UVRAG: variants seen among roughly 807,000 people sequenced by gnomAD.
The protein encoded by UVRAG is UV radiation resistance associated, also known as UV radiation resistance-associated gene protein.
Under a neutral mutation model 78.0 loss-of-function variants are expected in UVRAG, and 19 were observed. The ratio of observed to expected loss-of-function variants is 0.24; its 90% CI spans 0.17 to 0.36. UVRAG has a LOEUF of 0.36. Ranked by LOEUF, UVRAG falls within the 10% of genes least tolerant of loss-of-function variation. The probability of loss-of-function intolerance (pLI) is 1.00; values close to 1 mark genes in which losing one functional copy is unlikely to be tolerated. For synonymous variants in UVRAG, 323 were observed against 324.6 expected (o/e 1.00, Z 0.05); for missense variants, 740 against 853.8 (o/e 0.87, Z 1.66).
At chr11:75,961,312 T>C in intron 6 of UVRAG, 132 bp from the exon 7 acceptor site, 1 of 677,250 alleles carries the variant, frequency 1.5e-6, no homozygotes, top group South Asian at 2.0e-5. Flanking sequence ...ATTGCGAATA[T>C]GCTAGATAAT....
In UVRAG at chr11:75,815,465, G is replaced by A; in HGVS notation, c.58G>A (p.Ala20Thr). The change falls in exon 1 of 15, where the codon GCT (alanine) becomes ACT (threonine). Residue 20 changes from alanine (A) to threonine (T), a missense_variant. Transcript: ENST00000356136. ...PVPQPPPGPA[A>T]ALPPGSAARA... ...CCCCCAGCCACCCCCGGGCCCGGCC[G>A]CTGCTCTGCCTCCCGGTTCTGCCGC... 3 of 1,247,712 alleles carry A rather than the reference G, an allele frequency of 2.4e-6. No homozygotes were observed. Among genetic ancestry groups the A allele is most frequent in the Non-Finnish European group, 3.0e-6 (3 of 995,510 alleles). The allele number at this position is 1,247,712 out of a possible 1,614,324, so 77.3% of individuals were successfully genotyped here.
chr11:76,098,606 A>T (rs1951827641), intron 13 of UVRAG, among the ~76,000 whole-genome samples: 1 of 152,204 alleles, frequency 6.6e-6, no homozygotes, highest in Admixed American at 6.5e-5. Context: ...ATTGTTTAAT[A>T]AGTGTGGCAC....
chr11:76,051,397 A>G (rs1036340172), intron 12 of UVRAG, among the ~76,000 whole-genome samples: 1 of 152,208 alleles, frequency 6.6e-6, no homozygotes, highest in Non-Finnish European at 1.5e-5. Flanking sequence ...TGACTATTAA[A>G]AAAAGACATG....
intron 3 of UVRAG, among the ~76,000 whole-genome samples, chr11:75,879,489 A>G (rs761525271): frequency 3.3e-5 from 5 of 152,154 alleles, no homozygotes; most frequent in African/African-American, 4.8e-5. Context: ...TCTGTTATTG[A>G]ACTTTGCACA....
At chr11:76,134,023 G>A (rs953316836) in intron 14 of UVRAG, among the ~76,000 whole-genome samples, 4 of 147,136 alleles carry the variant, frequency 2.7e-5, no homozygotes, top group Non-Finnish European at 3.0e-5. Flanking sequence ...CTGCAATCTC[G>A]GTTCACGCAA....
chr11:76,126,054 A>C (rs1385771486), intron 14 of UVRAG, among the ~76,000 whole-genome samples: 1 of 149,678 alleles, frequency 6.7e-6, no homozygotes, highest in East Asian at 2.0e-4. Flanking sequence ...GGTTCACGCC[A>C]TTCCCCTGCC....
chr11:75,976,012 A>G (rs2135253593), intron 7 of UVRAG, among the ~76,000 whole-genome samples: 1 of 152,282 alleles, frequency 6.6e-6, no homozygotes, highest in South Asian at 2.1e-4. Context: ...TTTGTCATAA[A>G]TAGCTCTTAT....
chr11:75,815,600 AC>A, intron 1 of UVRAG, 76 bp downstream of exon 1: 1 of 970,250 alleles, frequency 1.0e-6, no homozygotes, highest in Non-Finnish European at 1.3e-6. Context: ...CTCCGGGCTG[AC>A]CCCGCGAGCC....
intron 6 of UVRAG, among the ~76,000 whole-genome samples, chr11:75,917,678 G>C (rs140972882): frequency 6.6e-6 from 1 of 152,100 alleles, no homozygotes; most frequent in Admixed American, 6.6e-5. Context: ...CACTCATCGC[G>C]TTAATACTCC....
intron 13 of UVRAG, among the ~76,000 whole-genome samples, chr11:76,082,056 A>C (rs1251260371): frequency 6.6e-6 from 1 of 152,128 alleles, no homozygotes; most frequent in African/African-American, 2.4e-5. Context: ...GTAGTGACTA[A>C]CTACCTCTGG....
chr11:75,937,096 G>T (rs946427589), intron 6 of UVRAG, among the ~76,000 whole-genome samples: 20 of 152,174 alleles, frequency 1.3e-4, no homozygotes, highest in African/African-American at 4.8e-4. Context: ...TAGGCTGGGC[G>T]CGGTGGCTCA....
At chr11:76,126,305 T>G (rs1952393035) in intron 14 of UVRAG, among the ~76,000 whole-genome samples, 1 of 152,218 alleles carries the variant, frequency 6.6e-6, no homozygotes, top group Admixed American at 6.5e-5. Flanking sequence ...TATATTTTAT[T>G]TAATTCAAAT....
chr11:75,939,904 G>T (rs1250388719), intron 6 of UVRAG, among the ~76,000 whole-genome samples: 4 of 152,274 alleles, frequency 2.6e-5, no homozygotes, highest in Non-Finnish European at 5.9e-5. Flanking sequence ...AAGGAATTCT[G>T]TGTTTACTCA....
intron 12 of UVRAG, among the ~76,000 whole-genome samples, chr11:76,047,916 A>G (rs1301167310): frequency 6.6e-6 from 1 of 152,214 alleles, no homozygotes; most frequent in African/African-American, 2.4e-5. Flanking sequence ...TGTTGGGTCC[A>G]AAAGAGGAAA....
At chr11:76,088,221 T>C (rs1020950133) in intron 13 of UVRAG, among the ~76,000 whole-genome samples, 50 of 152,234 alleles carry the variant, frequency 3.3e-4, no homozygotes, top group African/African-American at 1.1e-3. Flanking sequence ...ACATCAGTGA[T>C]ACCATTATAG....
intron 4 of UVRAG, among the ~76,000 whole-genome samples, chr11:75,886,056 T>C (rs568371106): frequency 1.5e-4 from 23 of 152,144 alleles, no homozygotes; most frequent in Non-Finnish European, 2.8e-4. Context: ...TTGGATAGAG[T>C]AGGGGTACCA....
At chr11:75,838,130 C>T (rs1440171522) in intron 1 of UVRAG, among the ~76,000 whole-genome samples, 2 of 152,082 alleles carry the variant, frequency 1.3e-5, no homozygotes, top group African/African-American at 4.8e-5. Flanking sequence ...GGAAATTATT[C>T]CATATCAGTG....
intron 7 of UVRAG, among the ~76,000 whole-genome samples, chr11:75,981,459 T>TG (rs1438359216): frequency 1.3e-5 from 2 of 151,750 alleles, no homozygotes; most frequent in African/African-American, 4.9e-5. Flanking sequence ...TTCGTTTTTT[T>TG]TTTGTGTGTG....
chr11:76,120,434 A>T (rs1344175952), intron 14 of UVRAG, among the ~76,000 whole-genome samples: 1 of 152,154 alleles, frequency 6.6e-6, no homozygotes, highest in Non-Finnish European at 1.5e-5. Flanking sequence ...CTCCTAAAAC[A>T]CTGTAATTTC....
Sources: allele counts gnomAD v4.1 joint callset (sites outside exome capture counted in the v4.1 genomes callset), GRCh38; gene constraint gnomAD v4.1.1; transcripts MANE v1.5; gene names NCBI Gene and HGNC (gene_info 2026-07-23, HGNC 2026-07-21).